FMN2: variants seen among roughly 807,000 people sequenced by gnomAD.
The protein encoded by FMN2 is formin 2, also known as formin-2.
Under a neutral mutation model 142.3 loss-of-function variants are expected in FMN2, and 51 were observed. The observed-to-expected ratio is 0.36, with a 90% confidence interval of 0.29 to 0.45. The LOEUF is 0.45. Among genes scored for constraint, FMN2 ranks in the 20% least tolerant of loss-of-function variants. The pLI is 1.00. For synonymous variants in FMN2, 882 were observed against 869.8 expected (o/e 1.01, Z -0.25); for missense variants, 1,936 against 2,122.8 (o/e 0.91, Z 1.73).
At chr1:240,325,343 CAAAA>C (rs5782134) in intron 8 of FMN2, among the ~76,000 whole-genome samples, 1 of 108,072 alleles carries the variant, frequency 9.3e-6, no homozygotes. Context: ...ACCCTGTCTC[CAAAA>C]AAAAAAAAAA....
intron 16 of FMN2, among the ~76,000 whole-genome samples, chr1:240,443,605 T>A (rs1028770698): frequency 3.3e-5 from 5 of 151,958 alleles, no homozygotes; most frequent in African/African-American, 1.2e-4. Context: ...ATACAAAAAT[T>A]AGCCAGGCGT....
At chr1:240,319,328 A>C (rs1670891366) in intron 8 of FMN2, among the ~76,000 whole-genome samples, 1 of 152,184 alleles carries the variant, frequency 6.6e-6, no homozygotes. Flanking sequence ...AAAATGAATA[A>C]AGGAACTCGT....
chr1:240,289,179 G>A (rs189731488), intron 7 of FMN2, among the ~76,000 whole-genome samples: 34 of 152,278 alleles, frequency 2.2e-4, no homozygotes, highest in Non-Finnish European at 3.4e-4. Flanking sequence ...ATTAAAGTAG[G>A]TGACTGCAGT....
At chr1:240,296,728 T>C (rs1213485849) in intron 8 of FMN2, among the ~76,000 whole-genome samples, 2 of 152,034 alleles carry the variant, frequency 1.3e-5, no homozygotes, top group East Asian at 3.9e-4. Flanking sequence ...TTGAGACCGA[T>C]GTAAGACAAA....
At chr1:240,433,860 C>T (rs772752927) in intron 15 of FMN2, among the ~76,000 whole-genome samples, 5 of 152,034 alleles carry the variant, frequency 3.3e-5, no homozygotes, top group Non-Finnish European at 7.3e-5. Context: ...TCGTTGGGGA[C>T]GTTAGATACC....
chr1:240,119,921 C>T (rs12123774), intron 1 of FMN2, among the ~76,000 whole-genome samples: 1 of 151,998 alleles, frequency 6.6e-6, no homozygotes, highest in Non-Finnish European at 1.5e-5. Context: ...ATACAACAAT[C>T]TACTGTTATG....
intron 16 of FMN2, among the ~76,000 whole-genome samples, chr1:240,450,652 T>C (rs1268641663): frequency 6.6e-6 from 1 of 152,232 alleles, no homozygotes; most frequent in Non-Finnish European, 1.5e-5. Context: ...ACATGCTCTG[T>C]ATCTAGATGA....
intron 16 of FMN2, among the ~76,000 whole-genome samples, chr1:240,448,700 G>C (rs1675906208): frequency 6.6e-6 from 1 of 151,916 alleles, no homozygotes; most frequent in South Asian, 2.1e-4. Context: ...GCACACCTGT[G>C]GTCCCAGCTA....
chr1:240,153,344 T>C (rs1441489706), intron 2 of FMN2, among the ~76,000 whole-genome samples: 2 of 151,416 alleles, frequency 1.3e-5, no homozygotes, highest in African/African-American at 4.8e-5. Flanking sequence ...TTAATCTCAC[T>C]CGGTTCTCAA....
intron 8 of FMN2, among the ~76,000 whole-genome samples, chr1:240,305,979 T>C (rs1670379228): frequency 6.9e-6 from 1 of 145,400 alleles, no homozygotes; most frequent in African/African-American, 2.6e-5. Flanking sequence ...AGGTGAAATC[T>C]TGCTCTGTCA....
intron 8 of FMN2, among the ~76,000 whole-genome samples, chr1:240,321,894 C>A (rs1036424799): frequency 6.6e-6 from 1 of 152,138 alleles, no homozygotes. Context: ...TGAAACACTT[C>A]TTGGTTTAAT....
chr1:240,240,623 A>G (rs1392879456), intron 6 of FMN2, among the ~76,000 whole-genome samples: 1 of 152,190 alleles, frequency 6.6e-6, no homozygotes, highest in Non-Finnish European at 1.5e-5. Context: ...AAACATTTAG[A>G]TATGGTACTC....
intron 7 of FMN2, among the ~76,000 whole-genome samples, chr1:240,263,323 C>T (rs911853080): frequency 1.3e-5 from 2 of 152,146 alleles, no homozygotes; most frequent in African/African-American, 4.8e-5. Flanking sequence ...GAATCTGCTA[C>T]CCTCATAGTC....
chr1:240,412,707 C>T (rs867842954), intron 15 of FMN2, among the ~76,000 whole-genome samples: 5 of 152,108 alleles, frequency 3.3e-5, no homozygotes, highest in African/African-American at 1.2e-4. Context: ...GAAGACCAGA[C>T]ATAGGGAGGC....
chr1:240,346,018 T>C (rs1671897493), intron 13 of FMN2, among the ~76,000 whole-genome samples: 1 of 152,158 alleles, frequency 6.6e-6, no homozygotes, highest in Admixed American at 6.5e-5. Flanking sequence ...TTTACCTGCA[T>C]TAAAAATGGG....
At chr1:240,472,070 A>G (rs1676829176) in intron 16 of FMN2, 1 of 244,284 alleles carries the variant, frequency 4.1e-6, no homozygotes, top group African/African-American at 2.3e-5. Flanking sequence ...ACTTGTATAT[A>G]AGATTCCTTT....
At chr1:240,275,900 T>A (rs1669191612) in intron 7 of FMN2, among the ~76,000 whole-genome samples, 1 of 152,178 alleles carries the variant, frequency 6.6e-6, no homozygotes, top group Non-Finnish European at 1.5e-5. Context: ...TTTTGAGAAG[T>A]GTCTGTTCAT....
At chr1:240,385,582 C>T (rs990672453) in intron 14 of FMN2, among the ~76,000 whole-genome samples, 1 of 152,142 alleles carries the variant, frequency 6.6e-6, no homozygotes, top group African/African-American at 2.4e-5. Flanking sequence ...GTTCCAGCTC[C>T]TTTAGACTGT....
chr1:240,460,934 G>A (rs1263849690), intron 16 of FMN2, among the ~76,000 whole-genome samples: 1 of 152,096 alleles, frequency 6.6e-6, no homozygotes, highest in Non-Finnish European at 1.5e-5. Flanking sequence ...TGCTGATTAT[G>A]GGGGTAGAAA....
Sources: allele counts gnomAD v4.1 joint callset (sites outside exome capture counted in the v4.1 genomes callset), GRCh38; gene constraint gnomAD v4.1.1; transcripts MANE v1.5; gene names NCBI Gene and HGNC (gene_info 2026-07-23, HGNC 2026-07-21).